The following NDUFA10 variants were observed in gnomAD, a reference collection of about 807,000 sequenced individuals.
NDUFA10 encodes NADH dehydrogenase [ubiquinone] 1 alpha subcomplex subunit 10, mitochondrial.
In NDUFA10, 40 loss-of-function variants were observed where a neutral mutation model predicts 47.8. The observed-to-expected ratio is 0.84, with a 90% CI of 0.65 to 1.09. The LOEUF (loss-of-function observed/expected upper bound fraction) is 1.09, where lower values mean the gene tolerates loss of function less well. Among genes scored for constraint, NDUFA10 ranks in the 50% least tolerant of loss-of-function variants. The pLI is 0.00. For synonymous variants in NDUFA10, 183 were observed against 172.2 expected (o/e 1.06, Z -0.49); for missense variants, 413 against 451.1 (o/e 0.92, Z 0.76).
chr2:239,980,807 G>A (rs773675819), intron 9 of NDUFA10, among the ~76,000 whole-genome samples: 5 of 152,232 alleles, frequency 3.3e-5, no homozygotes, highest in Non-Finnish European at 5.9e-5. Flanking sequence ...CCCAAGAGCT[G>A]CAGAGAGCCA....
intron 4 of NDUFA10, among the ~76,000 whole-genome samples, chr2:239,920,343 G>C (rs896342884): frequency 6.6e-6 from 1 of 152,208 alleles, no homozygotes; most frequent in Non-Finnish European, 1.5e-5. Flanking sequence ...CAGCAGCCCA[G>C]ACTGACACGT....
chr2:239,998,482 G>A (rs1439420567), intron 8 of NDUFA10, among the ~76,000 whole-genome samples: 1 of 152,230 alleles, frequency 6.6e-6, no homozygotes, highest in Non-Finnish European at 1.5e-5. Flanking sequence ...CACAGAGCAG[G>A]CCTATGCTGC....
At chr2:239,920,126 T>TG (rs1203350237) in intron 4 of NDUFA10, among the ~76,000 whole-genome samples, 1 of 151,984 alleles carries the variant, frequency 6.6e-6, no homozygotes, top group African/African-American at 2.4e-5. Flanking sequence ...CAGGGTTCAG[T>TG]GGGGTCACAG....
chr2:239,941,518 G>A (rs6760103), intron 4 of NDUFA10, among the ~76,000 whole-genome samples: 18,016 of 152,134 alleles, frequency 0.12, 1,279 homozygotes, highest in East Asian at 0.25. Flanking sequence ...CTGAGGTCGG[G>A]AGTTGGAGAC....
chr2:239,930,247 CTA>C (rs1035378603), intron 4 of NDUFA10, among the ~76,000 whole-genome samples: 1 of 134,254 alleles, frequency 7.4e-6, no homozygotes, highest in Non-Finnish European at 1.7e-5. Context: ...TCCACCGCCC[CTA>C]GTCCTCCGCC....
chr2:239,900,278 G>A (rs1392777299), intron 4 of NDUFA10, among the ~76,000 whole-genome samples: 1 of 119,736 alleles, frequency 8.4e-6, no homozygotes, highest in Non-Finnish European at 1.8e-5. Context: ...TTCACCTTGT[G>A]ATCGTGTGAG....
chr2:239,904,401 G>A (rs558706684), intron 4 of NDUFA10, among the ~76,000 whole-genome samples: 34 of 152,256 alleles, frequency 2.2e-4, no homozygotes, highest in Middle Eastern at 6.8e-3. Flanking sequence ...GGGTTCAAGC[G>A]ATTATCCTGC....
At chr2:239,956,423 T>C (rs1406217690), downstream of NDUFA10, among the ~76,000 whole-genome samples, 1 of 152,174 alleles carries the variant, frequency 6.6e-6, no homozygotes, top group Non-Finnish European at 1.5e-5. Flanking sequence ...CGTGGGGTCC[T>C]ACCCGCTCCT....
chr2:240,008,296 G>A (rs538818387), intron 6 of NDUFA10, among the ~76,000 whole-genome samples: 3 of 152,172 alleles, frequency 2.0e-5, no homozygotes, highest in Admixed American at 6.5e-5. Flanking sequence ...ACTCCTCACA[G>A]CACCCTTAAG....
At position 240,021,204 on chromosome 2, in the gene NDUFA10, C is replaced by G. The variant is rs1220887351; in HGVS notation, c.453G>C (p.Leu151=). ...TGCCCAGAAATACTGCACCTGTGGT[C>G]AGCAAGTGCTCCAAGGCATCTGAGT... The part of the protein sequence containing the change: ...LQYSDALEHL[L]TTGQGVVLER... Residue 151 remains leucine (L), a synonymous_variant, in exon 3 of 10, where the codon CTG becomes CTC. Transcript: ENST00000252711. 2.5e-6 allele frequency: 4 copies of G among 1,613,748 alleles called. No homozygotes were observed. Among genetic ancestry groups the G allele is most frequent in the Non-Finnish European group, 3.4e-6 (4 of 1,179,722 alleles).
rs115872691 is a variant in NDUFA10 at position 239,965,599 on chromosome 2, G to A, written c.1000-4413C>T. ...CTGCTCGTTCACGGTGCCCGGGTGC[G>A]TGACACCCATGTGTGTGGCTGTGCG... On this transcript the variant is annotated intron_variant, in intron 9 of 9. Coordinates refer to ENST00000252711, the MANE Select transcript of NDUFA10 (RefSeq NM_004544.4). Among the ~76,000 whole-genome samples, 724 of 152,264 alleles carry A rather than the reference G, an allele frequency of 4.8e-3. 9 individuals carry two copies. Among genetic ancestry groups the A allele is most frequent in the African/African-American group, 0.016 (669 of 41,558 alleles).
At chr2:239,948,108 A>C (rs1694487396) in intron 4 of NDUFA10, among the ~76,000 whole-genome samples, 1 of 138,086 alleles carries the variant, frequency 7.2e-6, no homozygotes, top group Admixed American at 7.3e-5. Flanking sequence ...CCAGAGGTTC[A>C]GTTAACGGCA....
chr2:239,920,471 G>A (rs1163345528), intron 4 of NDUFA10, among the ~76,000 whole-genome samples: 3 of 152,210 alleles, frequency 2.0e-5, no homozygotes, highest in African/African-American at 7.2e-5. Flanking sequence ...AAAATCAAAA[G>A]GCTTCAGCAG....
rs140732493 is a variant in NDUFA10 at position 239,973,232 on chromosome 2, T to C, written c.1000-12046A>G. Among the ~76,000 whole-genome samples, 6 of 152,246 alleles carry C rather than the reference T, an allele frequency of 3.9e-5. No individual in the cohort carries two copies. In the East Asian group the frequency reaches 9.6e-4, roughly 24 times the overall value. ...ATTAAGTAACTTATAAACTGAAAAT[T>C]TGTATTTTAACACAACTAGATACCA... On this transcript the variant is annotated intron_variant, in intron 9 of 9. Coordinates refer to ENST00000252711, the MANE Select transcript of NDUFA10 (RefSeq NM_004544.4).
intron 4 of NDUFA10, among the ~76,000 whole-genome samples, chr2:239,903,323 G>A (rs1693588312): frequency 6.6e-6 from 1 of 152,238 alleles, no homozygotes; most frequent in Admixed American, 6.5e-5. Context: ...ATTACGTTGA[G>A]CTCAGGGCGA....
At chr2:239,913,523 T>G (rs774804687) in intron 4 of NDUFA10, among the ~76,000 whole-genome samples, 2 of 152,152 alleles carry the variant, frequency 1.3e-5, no homozygotes, top group Non-Finnish European at 2.9e-5. Flanking sequence ...CTCAGACGCC[T>G]CCACGTGATT....
At position 240,011,729 on chromosome 2, in the gene NDUFA10, C is replaced by T. The variant is rs369797750; in HGVS notation, c.670-33G>A. The T allele has an allele frequency of 5.2e-6, 8 of 1,536,470 alleles. No homozygotes were observed. In the African/African-American group the frequency reaches 8.2e-5, roughly 16 times the overall value. On this transcript the variant is annotated intron_variant, in intron 5 of 9. Transcript: ENST00000252711. The stretch of plus-strand genomic sequence containing the variant: ...GAAGCAGAAAAATCAAACTGGGAAA[C>T]ATTTAGAGTTCATTCTCTTTGACCT...
rs1694779279 is a variant in NDUFA10 at position 239,959,900 on chromosome 2, C to T, written c.*1218G>A. 2 of 985,472 alleles carry T rather than the reference C, an allele frequency of 2.0e-6. No individual in the cohort carries two copies. The highest frequency in any genetic ancestry group is 2.4e-6 in the Non-Finnish European group (2 of 829,942). 61.0% of individuals were successfully genotyped at this position (985,472 alleles called of 1,614,324 possible). A position where few individuals can be genotyped will look rare whatever the true frequency, so the allele number is the denominator to read the frequency against. On this transcript the variant is annotated 3_prime_UTR_variant, in exon 10 of 10. Coordinates refer to ENST00000252711, the MANE Select transcript of NDUFA10 (RefSeq NM_004544.4). ...CAAGGAGGGAAGGAGTGTGCATCTT[C>T]TTCGCATGCTCCGCAGCAGCGAGGC...
In NDUFA10 at chr2:239,959,442, A is replaced by G; in HGVS notation, c.*1676T>C. On this transcript the variant is annotated 3_prime_UTR_variant, in exon 10 of 10. Coordinates refer to ENST00000252711, the MANE Select transcript of NDUFA10 (RefSeq NM_004544.4). ...TTTCTTTTTCTTTCCTCCCCTCCACAATGGGTTTGTGAAGTGCTCAGAGCA... is the reference window on the plus strand; with the variant it reads ...TTTCTTTTTCTTTCCTCCCCTCCACGATGGGTTTGTGAAGTGCTCAGAGCA... 1.0e-6 allele frequency: 1 copy of G among 985,462 alleles called. No individual in the cohort carries two copies. The highest frequency in any genetic ancestry group is 1.2e-6 in the Non-Finnish European group (1 of 829,940). 61.0% of individuals were successfully genotyped at this position (985,462 alleles called of 1,614,324 possible).
Sources: allele counts gnomAD v4.1 joint callset (sites outside exome capture counted in the v4.1 genomes callset), GRCh38; gene constraint gnomAD v4.1.1; transcripts MANE v1.5; gene names NCBI Gene and HGNC (gene_info 2026-07-23, HGNC 2026-07-21).